SMIM14: variants seen among roughly 807,000 people sequenced by gnomAD.
SMIM14 encodes small integral membrane protein 14.
Under a neutral mutation model 12.6 loss-of-function variants are expected in SMIM14, and 5 were observed. The observed-to-expected ratio is 0.40, with a 90% confidence interval of 0.21 to 0.83. SMIM14 has a LOEUF of 0.83. SMIM14 is among the 40% of genes least tolerant of loss of function. The pLI is 0.37. For missense variants in SMIM14, 86 were observed against 119.1 expected (o/e 0.72, Z 1.29); for synonymous variants, 30 against 40.1 (o/e 0.75, Z 0.95).
At chr4:39,596,341 T>C (rs773246792) in intron 2 of SMIM14, among the ~76,000 whole-genome samples, 2 of 152,164 alleles carry the variant, frequency 1.3e-5, no homozygotes, top group Non-Finnish European at 2.9e-5. Context: ...GTGATCCACT[T>C]GCCTCGGCCT....
At chr4:39,580,306 A>C (rs1322596382) in intron 2 of SMIM14, among the ~76,000 whole-genome samples, 2 of 152,028 alleles carry the variant, frequency 1.3e-5, no homozygotes, top group Admixed American at 1.3e-4. Context: ...AAGCCTCCTG[A>C]GTAGTGGGGA....
chr4:39,579,742 G>A (rs1362021620), intron 2 of SMIM14, among the ~76,000 whole-genome samples: 1 of 151,576 alleles, frequency 6.6e-6, no homozygotes, highest in Non-Finnish European at 1.5e-5. Flanking sequence ...TGCTTGGGAG[G>A]CTGAGGCAGG....
intron 2 of SMIM14, among the ~76,000 whole-genome samples, chr4:39,587,032 C>T (rs1039793099): frequency 1.3e-5 from 2 of 151,920 alleles, no homozygotes; most frequent in Admixed American, 1.3e-4. Flanking sequence ...GAACTCATTA[C>T]CTTCCAAAGG....
chr4:39,596,783 T>C (rs1420370175), intron 2 of SMIM14, among the ~76,000 whole-genome samples: 1 of 152,192 alleles, frequency 6.6e-6, no homozygotes, highest in East Asian at 1.9e-4. Flanking sequence ...AAATTCTCTT[T>C]GTATTTCTAA....
rs918584133 is a variant in SMIM14, at chr4:39,561,508, C to T, written c.125-4938G>A. On this transcript the variant is annotated intron_variant, in intron 3 of 4. Transcript: ENST00000295958. The stretch of plus-strand genomic sequence containing the variant: ...TTACAGGTGTCAGTCAGTAGTCATG[C>T]CCAGCCATGACTTTTTAATATTCTT... 5.3e-5 allele frequency among the ~76,000 whole-genome samples: 8 copies of T among 152,120 alleles called. No individual in the cohort carries two copies. The East Asian group carries it at 1.3e-3, about 26-fold the overall frequency.
chr4:39,559,880 G>A (rs988714802), intron 3 of SMIM14, among the ~76,000 whole-genome samples: 2 of 151,940 alleles, frequency 1.3e-5, no homozygotes, highest in East Asian at 3.9e-4. Context: ...ACTTTGAGAG[G>A]CCAAGGCGGG....
intron 1 of SMIM14, among the ~76,000 whole-genome samples, chr4:39,637,171 A>G (rs1350170804): frequency 1.3e-5 from 2 of 152,258 alleles, no homozygotes; most frequent in African/African-American, 4.8e-5. Context: ...GGTATAAACT[A>G]ACATTTTGGT....
intron 2 of SMIM14, among the ~76,000 whole-genome samples, chr4:39,588,560 CTAAAA>C (rs1713905981): frequency 6.6e-6 from 1 of 151,934 alleles, no homozygotes; most frequent in Non-Finnish European, 1.5e-5. Flanking sequence ...TCCTTATTGA[CTAAAA>C]TAAAACTCAA....
chr4:39,612,173 C>A (rs1715059999), intron 1 of SMIM14: 1 of 151,846 alleles, frequency 6.6e-6, no homozygotes. Context: ...ATATGCAACA[C>A]AGAAAACTCT....
intron 1 of SMIM14, among the ~76,000 whole-genome samples, chr4:39,608,917 T>C (rs910067429): frequency 6.6e-6 from 1 of 152,208 alleles, no homozygotes; most frequent in Non-Finnish European, 1.5e-5. Flanking sequence ...AACTGTTCTA[T>C]GGTGATAATC....
At chr4:39,584,502 A>AAAAAAAAAAAAAAAAAAAAAAAC (rs1713682286) in intron 2 of SMIM14, among the ~76,000 whole-genome samples, 2 of 142,510 alleles carry the variant, frequency 1.4e-5, no homozygotes, top group African/African-American at 2.6e-5. Context: ...AAAAAAAAAA[A>AAAAAAAAAAAAAAAAAAAAAAAC]AAAGACAAAC....
intron 2 of SMIM14, among the ~76,000 whole-genome samples, chr4:39,591,301 A>G (rs1714066617): frequency 1.3e-5 from 2 of 152,066 alleles, no homozygotes; most frequent in Admixed American, 6.6e-5. Context: ...GAAAGAAAAA[A>G]GTCCGTGATA....
chr4:39,615,649 T>C (rs193014711), intron 1 of SMIM14, among the ~76,000 whole-genome samples: 52 of 152,252 alleles, frequency 3.4e-4, no homozygotes, highest in African/African-American at 1.2e-3. Context: ...CTCTATACTT[T>C]CTTCTCAATT....
intron 1 of SMIM14, among the ~76,000 whole-genome samples, chr4:39,614,671 A>C (rs928704187): frequency 3.3e-5 from 5 of 152,156 alleles, no homozygotes; most frequent in Non-Finnish European, 5.9e-5. Context: ...TAGTCATTTA[A>C]TTTATATGTC....
chr4:39,613,661 A>G (rs1430286562), intron 1 of SMIM14, among the ~76,000 whole-genome samples: 1 of 152,234 alleles, frequency 6.6e-6, no homozygotes, highest in Non-Finnish European at 1.5e-5. Context: ...GAATTTTAGT[A>G]CATCTGCCTC....
intron 1 of SMIM14, among the ~76,000 whole-genome samples, chr4:39,627,825 C>T (rs1462522350): frequency 1.3e-5 from 2 of 152,192 alleles, no homozygotes; most frequent in Admixed American, 1.3e-4. Context: ...CTCTCTGTGC[C>T]TGGTCAAGGT....
intron 4 of SMIM14, among the ~76,000 whole-genome samples, chr4:39,555,433 A>G (rs1441214518): frequency 1.3e-5 from 2 of 151,788 alleles, no homozygotes; most frequent in Non-Finnish European, 2.9e-5. Flanking sequence ...GGGTTTCACC[A>G]TGTTGCCCAG....
chr4:39,616,589 C>T (rs1715233839), intron 1 of SMIM14, among the ~76,000 whole-genome samples: 1 of 151,000 alleles, frequency 6.6e-6, no homozygotes, highest in Non-Finnish European at 1.5e-5. Context: ...AATAGTGTAA[C>T]CTGACTGTGA....
At chr4:39,634,022 G>C (rs764602443) in intron 1 of SMIM14, among the ~76,000 whole-genome samples, 1 of 152,150 alleles carries the variant, frequency 6.6e-6, no homozygotes, top group Non-Finnish European at 1.5e-5. Context: ...TCCACCTTCC[G>C]AGTTCAAGTG....
Sources: gnomAD v4.1 joint callset for allele counts (sites outside exome capture counted in the v4.1 genomes callset) on GRCh38, gnomAD v4.1.1 for gene constraint, MANE v1.5 for transcripts, NCBI Gene and HGNC (gene_info 2026-07-23, HGNC 2026-07-21) for gene names.